ITGA8: variants seen among roughly 807,000 people sequenced by gnomAD.
ITGA8 encodes integrin subunit alpha 8.
ITGA8 carries 91 observed loss-of-function variants against 142.3 expected under a neutral mutation model. The ratio of observed to expected loss-of-function variants is 0.64; its 90% CI spans 0.54 to 0.76. The LOEUF (loss-of-function observed/expected upper bound fraction) is 0.76. ITGA8 is among the 30% of genes least tolerant of loss of function. ITGA8 has a pLI of 0.00. For synonymous variants in ITGA8, 505 were observed against 485.2 expected (o/e 1.04, Z -0.54); for missense variants, 1,406 against 1,327.7 (o/e 1.06, Z -0.92).
At chr10:15,559,357 C>T (rs143249366) in intron 25 of ITGA8, among the ~76,000 whole-genome samples, 65 of 152,342 alleles carry the variant, frequency 4.3e-4, no homozygotes, top group African/African-American at 1.5e-3. Context: ...TGGGGCCCAT[C>T]TGTGCCTATC....
chr10:15,595,961 G>A (rs1440246623), intron 21 of ITGA8, among the ~76,000 whole-genome samples: 4 of 152,198 alleles, frequency 2.6e-5, no homozygotes, highest in Admixed American at 2.6e-4. Context: ...CTGAGCAGGA[G>A]AATCACTTGA....
chr10:15,632,993 A>G (rs918141972), intron 13 of ITGA8, among the ~76,000 whole-genome samples: 4 of 152,156 alleles, frequency 2.6e-5, no homozygotes, highest in Non-Finnish European at 4.4e-5. Context: ...CTCCCCTGGG[A>G]TACTTTAATG....
At chr10:15,617,242 A>G (rs757305400) in intron 13 of ITGA8, among the ~76,000 whole-genome samples, 14 of 152,198 alleles carry the variant, frequency 9.2e-5, no homozygotes, top group African/African-American at 2.7e-4. Context: ...AAATGAGTCA[A>G]TTGAGACTTA....
chr10:15,592,785 C>T (rs1281394952), intron 21 of ITGA8, among the ~76,000 whole-genome samples: 8 of 152,064 alleles, frequency 5.3e-5, no homozygotes, highest in Middle Eastern at 3.4e-3. Flanking sequence ...TTTTGTTATT[C>T]GTAGAGACAG....
intron 22 of ITGA8, among the ~76,000 whole-genome samples, chr10:15,588,183 A>G (rs1832864468): frequency 6.6e-6 from 1 of 152,218 alleles, no homozygotes; most frequent in Non-Finnish European, 1.5e-5. Context: ...GAGAGCTGGA[A>G]AGGATATGAT....
chr10:15,558,463 T>C (rs774919524), intron 25 of ITGA8, among the ~76,000 whole-genome samples: 1 of 152,154 alleles, frequency 6.6e-6, no homozygotes, highest in African/African-American at 2.4e-5. Flanking sequence ...AGGAGAAGAT[T>C]TGAAGCAGAA....
chr10:15,687,006 C>G (rs1290438199), intron 3 of ITGA8, among the ~76,000 whole-genome samples: 2 of 152,100 alleles, frequency 1.3e-5, no homozygotes, highest in African/African-American at 4.8e-5. Context: ...AAGGCATATA[C>G]CACCTTAAAA....
At chr10:15,562,010 G>C (rs553427871) in intron 25 of ITGA8, among the ~76,000 whole-genome samples, 1 of 152,230 alleles carries the variant, frequency 6.6e-6, no homozygotes, top group Admixed American at 6.5e-5. Flanking sequence ...ATCAAATCTC[G>C]TGAGAACTCA....
At chr10:15,584,751 A>C (rs1313395525) in intron 23 of ITGA8, among the ~76,000 whole-genome samples, 1 of 152,122 alleles carries the variant, frequency 6.6e-6, no homozygotes, top group Non-Finnish European at 1.5e-5. Flanking sequence ...AGAATAGATA[A>C]ATAAATTATG....
intron 8 of ITGA8, among the ~76,000 whole-genome samples, chr10:15,663,621 T>G (rs989458468): frequency 6.6e-6 from 1 of 151,820 alleles, no homozygotes; most frequent in South Asian, 2.1e-4. Flanking sequence ...AAGGCTAGAG[T>G]GCAGTGGTGC....
chr10:15,549,315 A>C (rs1465266583), intron 26 of ITGA8, among the ~76,000 whole-genome samples: 1 of 147,402 alleles, frequency 6.8e-6, no homozygotes, highest in Non-Finnish European at 1.5e-5. Flanking sequence ...GGTTCAAGTG[A>C]TTCTCTTGCC....
At chr10:15,561,050 C>T (rs1833964967) in intron 25 of ITGA8, among the ~76,000 whole-genome samples, 1 of 151,682 alleles carries the variant, frequency 6.6e-6, no homozygotes, top group South Asian at 2.1e-4. Flanking sequence ...CATCCTGCTG[C>T]ACCTGCTGAA....
At chr10:15,678,934 CAAGTAATTTATTAAACAT>C (rs1264410510) in intron 4 of ITGA8, 151 bp from the exon 5 acceptor site, 2 of 501,026 alleles carry the variant, frequency 4.0e-6, no homozygotes, top group Non-Finnish European at 7.0e-6. Context: ...AAATGTTGTT[CAAGTAATTTATTAAACAT>C]ATTTCTGTCT....
At chr10:15,694,421 T>TATATCATATATCAG in intron 2 of ITGA8, among the ~76,000 whole-genome samples, 1 of 138,290 alleles carries the variant, frequency 7.2e-6, no homozygotes, top group Admixed American at 7.6e-5. Context: ...TATCAGATAA[T>TATATCATATATCAG]ATATCATATA....
chr10:15,689,143 T>C (rs558264928), intron 2 of ITGA8, among the ~76,000 whole-genome samples: 1 of 152,032 alleles, frequency 6.6e-6, no homozygotes, highest in Non-Finnish European at 1.5e-5. Flanking sequence ...TCCAGTAAAA[T>C]GGCAGGACAC....
intron 14 of ITGA8, among the ~76,000 whole-genome samples, chr10:15,614,400 G>C (rs1257143680): frequency 6.6e-6 from 1 of 152,094 alleles, no homozygotes; most frequent in Non-Finnish European, 1.5e-5. Context: ...CAAATTCTAT[G>C]CCCAGGCCCT....
At chr10:15,704,229 T>G (rs1339505057) in intron 2 of ITGA8, among the ~76,000 whole-genome samples, 1 of 152,206 alleles carries the variant, frequency 6.6e-6, no homozygotes, top group Non-Finnish European at 1.5e-5. Context: ...TCTGTTGCTG[T>G]GACAGCTTCC....
At chr10:15,672,360 A>G (rs1834539772) in intron 7 of ITGA8, among the ~76,000 whole-genome samples, 1 of 152,234 alleles carries the variant, frequency 6.6e-6, no homozygotes, top group Non-Finnish European at 1.5e-5. Context: ...CCCTGCTAAT[A>G]CATAGTATCT....
At chr10:15,546,639 G>A (rs1191349028) in intron 27 of ITGA8, among the ~76,000 whole-genome samples, 5 of 151,794 alleles carry the variant, frequency 3.3e-5, no homozygotes, top group South Asian at 2.1e-4. Context: ...GGTCTAAAAC[G>A]TTAATAGTGC....
Sources: gnomAD v4.1 joint callset for allele counts (sites outside exome capture counted in the v4.1 genomes callset) on GRCh38, gnomAD v4.1.1 for gene constraint, MANE v1.5 for transcripts, NCBI Gene and HGNC (gene_info 2026-07-23, HGNC 2026-07-21) for gene names.